Variants in ABCC4 observed in about 807,000 individuals in gnomAD.
ABCC4 encodes the protein ATP-binding cassette sub-family C member 4.
ABCC4 carries 102 observed loss-of-function variants against 168.5 expected under a neutral mutation model. The ratio of observed to expected loss-of-function variants is 0.61; its 90% CI spans 0.52 to 0.71. The LOEUF (loss-of-function observed/expected upper bound fraction) is 0.71, where lower values mean the gene tolerates loss of function less well. Ranked by LOEUF, ABCC4 falls within the 30% of genes least tolerant of loss-of-function variation. ABCC4 has a pLI of 0.00. For missense variants in ABCC4, 1,402 were observed against 1,605.8 expected (o/e 0.87, Z 2.17); for synonymous variants, 617 against 590.7 (o/e 1.04, Z -0.65).
chr13:95,145,740 C>A (rs1346607610), intron 19 of ABCC4, among the ~76,000 whole-genome samples: 1 of 152,046 alleles, frequency 6.6e-6, no homozygotes, highest in East Asian at 1.9e-4. Context: ...AAATGTGGTA[C>A]ATATACACCA....
chr13:95,238,148 C>G (rs182006532), intron 3 of ABCC4, among the ~76,000 whole-genome samples: 1 of 144,636 alleles, frequency 6.9e-6, no homozygotes, highest in Admixed American at 7.0e-5. Flanking sequence ...GAGCCAAGAT[C>G]GCGCCACTGC....
At chr13:95,238,190 T>A (rs148098927) in intron 3 of ABCC4, among the ~76,000 whole-genome samples, 1,342 of 98,804 alleles carry the variant, frequency 0.014, 13 homozygotes, top group Non-Finnish European at 0.017. Context: ...CAAGACTCCA[T>A]CTCAGAAAAA....
At chr13:95,133,855 G>A (rs932020768) in intron 19 of ABCC4, among the ~76,000 whole-genome samples, 9 of 152,088 alleles carry the variant, frequency 5.9e-5, no homozygotes, top group African/African-American at 2.2e-4. Flanking sequence ...CAAAGCATTG[G>A]GTGACCCTTA....
chr13:95,198,814 T>C (rs1454884895), intron 8 of ABCC4, among the ~76,000 whole-genome samples: 2 of 152,158 alleles, frequency 1.3e-5, no homozygotes, highest in Non-Finnish European at 2.9e-5. Flanking sequence ...TACAGGGACA[T>C]GGATGAAGCT....
intron 8 of ABCC4, among the ~76,000 whole-genome samples, chr13:95,203,826 C>T (rs1012565883): frequency 3.3e-5 from 5 of 152,140 alleles, no homozygotes; most frequent in Non-Finnish European, 7.4e-5. Flanking sequence ...CCCTCACACC[C>T]CCCTTGAACA....
chr13:95,272,276 C>A, intron 1 of ABCC4, among the ~76,000 whole-genome samples: 1 of 129,950 alleles, frequency 7.7e-6, no homozygotes, highest in East Asian at 2.2e-4. Flanking sequence ...AAACTCCTGA[C>A]CTCAGGTGAT....
intron 3 of ABCC4, among the ~76,000 whole-genome samples, chr13:95,245,920 T>C (rs1032888325): frequency 9.0e-6 from 1 of 111,414 alleles, no homozygotes; most frequent in Non-Finnish European, 1.7e-5. Flanking sequence ...CCGTGACAAC[T>C]CCCCATCCTG....
intron 30 of ABCC4, 29 bp downstream of exon 30, chr13:95,034,576 T>C (rs372926483): frequency 1.0e-5 from 16 of 1,604,896 alleles, no homozygotes; most frequent in African/African-American, 6.7e-5. Flanking sequence ...GAGACAAACT[T>C]TAATTACAAC....
chr13:95,161,147 T>G, intron 19 of ABCC4, 42 bp downstream of exon 19: 4 of 1,510,398 alleles, frequency 2.6e-6, no homozygotes, highest in Non-Finnish European at 3.6e-6. Context: ...AAATGTGTTG[T>G]TAACAAGACA....
rs75087230 is a variant in ABCC4 at position 95,154,019 on chromosome 13, G to A, written c.2455+7170C>T. On this transcript the variant is annotated intron_variant, in intron 19 of 30. Coordinates refer to ENST00000645237, the MANE Select transcript of ABCC4 (RefSeq NM_005845.5). ...CATTATTTTTAATTTGTGATAACCC[G>A]ACAGGATTTAATTACCACACCTACT... Among the ~76,000 whole-genome samples, 999 of 152,128 alleles carry A rather than the reference G, an allele frequency of 6.6e-3. 17 individuals are homozygous for A. In the East Asian group the frequency reaches 0.079, roughly 12 times the overall value.
At position 95,154,010 on chromosome 13, in the gene ABCC4, T is replaced by C. The variant is rs190304634; in HGVS notation, c.2455+7179A>G. On this transcript the variant is annotated intron_variant, in intron 19 of 30. Transcript: ENST00000645237. ...TGAAAAAAACATTATTTTTAATTTG[T>C]GATAACCCGACAGGATTTAATTACC... Among the ~76,000 whole-genome samples, 97 of 152,334 alleles carry C rather than the reference T, an allele frequency of 6.4e-4. 1 individual carries two copies. The highest frequency in any genetic ancestry group is 2.2e-3 in the African/African-American group (91 of 41,568).
intron 16 of ABCC4, among the ~76,000 whole-genome samples, 193 bp downstream of exon 16, chr13:95,164,185 C>A (rs920125773): frequency 6.6e-6 from 1 of 152,060 alleles, no homozygotes; most frequent in African/African-American, 2.4e-5. Flanking sequence ...ATTTTAAAAT[C>A]ATTGAAAGAT....
intron 19 of ABCC4, among the ~76,000 whole-genome samples, chr13:95,142,948 CTCTG>C (rs1429387569): frequency 5.3e-5 from 8 of 152,158 alleles, no homozygotes; most frequent in Non-Finnish European, 8.8e-5. Flanking sequence ...ATAGAAGAAT[CTCTG>C]TCTTTCTCAT....
Position 95,083,162 on chromosome 13 carries a change from A to G in ABCC4, c.2664T>C (p.Asp888=). Residue 888 remains aspartate (D), a synonymous_variant, in exon 21 of 31, where the codon GAT becomes GAC. Transcript: ENST00000645237. ...CACTTGTAGATTCCAGGCGCTTCAC[A>G]TCTCTTGACGTTTCCAAAAAATATC... The part of the protein sequence containing the change: ...LRRYFLETSR[D]VKRLESTTRS... 4 of 1,614,014 alleles carry G rather than the reference A, an allele frequency of 2.5e-6. No homozygotes were observed. Among genetic ancestry groups the G allele is most frequent in the Admixed American group, 1.7e-5 (1 of 60,010 alleles).
chr13:95,195,046 G>C (rs547653796), intron 8 of ABCC4, 109 bp from the exon 9 acceptor site: 1 of 816,260 alleles, frequency 1.2e-6, no homozygotes, highest in African/African-American at 1.7e-5. Flanking sequence ...ACAGCCTACA[G>C]ATCATTTTAC....
At chr13:95,194,502 C>T (rs1388399417) in intron 9 of ABCC4, among the ~76,000 whole-genome samples, 1 of 152,236 alleles carries the variant, frequency 6.6e-6, no homozygotes, top group Non-Finnish European at 1.5e-5. Flanking sequence ...CAGCAGTTAA[C>T]CCATTCCATG....
At chr13:95,215,862 A>T (rs2039095630) in intron 4 of ABCC4, among the ~76,000 whole-genome samples, 1 of 152,248 alleles carries the variant, frequency 6.6e-6, no homozygotes, top group Non-Finnish European at 1.5e-5. Flanking sequence ...TTTGCATTTA[A>T]AAAGAAGGCA....
chr13:95,187,436 C>T (rs1380460638), intron 10 of ABCC4, among the ~76,000 whole-genome samples: 1 of 151,888 alleles, frequency 6.6e-6, no homozygotes, highest in East Asian at 1.9e-4. Flanking sequence ...GAAACCCCAT[C>T]TCTACTAAAA....
At chr13:95,283,671 ACT>A (rs1332651521) in intron 1 of ABCC4, among the ~76,000 whole-genome samples, 2 of 152,066 alleles carry the variant, frequency 1.3e-5, no homozygotes, top group Non-Finnish European at 2.9e-5. Context: ...TAATCCCAGC[ACT>A]TTGGGAGGCC....
Sources: gnomAD v4.1 joint callset for allele counts (sites outside exome capture counted in the v4.1 genomes callset) on GRCh38, gnomAD v4.1.1 for gene constraint, MANE v1.5 for transcripts, NCBI Gene and HGNC (gene_info 2026-07-23, HGNC 2026-07-21) for gene names.